LSM4: variants seen among roughly 807,000 people sequenced by gnomAD.
LSM4 encodes the protein U6 snRNA-associated Sm-like protein LSm4.
A neutral mutation model predicts 22.3 loss-of-function variants in LSM4; 15 were observed. The observed-to-expected ratio is 0.67, with a 90% CI of 0.45 to 1.03. The LOEUF (loss-of-function observed/expected upper bound fraction) is 1.03, where lower values mean the gene tolerates loss of function less well. Among genes scored for constraint, LSM4 ranks in the 50% least tolerant of loss-of-function variants. LSM4 has a pLI of 0.00. For synonymous variants in LSM4, 90 were observed against 79.8 expected (o/e 1.13, Z -0.68); for missense variants, 127 against 198.0 (o/e 0.64, Z 2.15).
At chr19:18,315,336 G>A (rs1375580860) in intron 2 of LSM4, among the ~76,000 whole-genome samples, 5 of 152,008 alleles carry the variant, frequency 3.3e-5, no homozygotes, top group Admixed American at 3.3e-4. Flanking sequence ...TTTATGGAGA[G>A]ACGTGGTTTC....
At chr19:18,313,494 G>C (rs1327117552) in intron 2 of LSM4, among the ~76,000 whole-genome samples, 1 of 152,194 alleles carries the variant, frequency 6.6e-6, no homozygotes, top group Non-Finnish European at 1.5e-5. Flanking sequence ...CTGAGGATAT[G>C]CTGCTGTTAG....
rs541037904 is a variant in LSM4 at position 18,309,095 on chromosome 19, G to A, written c.328+583C>T. The stretch of plus-strand genomic sequence containing the variant: ...CCTCGGGCTCACTCCTGACCACCTC[G>A]TGAGCCTGCACAGAATTGGCGCCTG... On this transcript the variant is annotated intron_variant, in intron 4 of 4. Transcript: ENST00000593829. Among the ~76,000 whole-genome samples the A allele has an allele frequency of 2.0e-5, 3 of 147,568 alleles. 1 individual carries two copies. The highest frequency in any genetic ancestry group is 7.4e-5 in the African/African-American group (3 of 40,422).
chr19:18,307,435 G>A lies in LSM4; in HGVS notation c.*29C>T, dbSNP rs1423061386. The A allele has an allele frequency of 1.3e-6, 2 of 1,486,058 alleles. No individual in the cohort carries two copies. The highest frequency in any genetic ancestry group is 1.4e-5 in the African/African-American group (1 of 70,614). 92.1% of individuals were successfully genotyped at this position (1,486,058 alleles called of 1,614,324 possible). On this transcript the variant is annotated 3_prime_UTR_variant, in exon 5 of 5. Transcript: ENST00000593829. ...AGCGGAATCGCCACCCTGGCAGGAG[G>A]GGGCGCAGCAGCCGGTCTGGGTGGG...
intron 4 of LSM4, chr19:18,309,471 G>A (rs529373737): frequency 3.3e-5 from 19 of 573,574 alleles, no homozygotes; most frequent in African/African-American, 2.5e-4. Flanking sequence ...CCTGAGGACC[G>A]CCAGGAGGCG....
intron 3 of LSM4, 45 bp downstream of exon 3, chr19:18,312,559 G>A: frequency 2.0e-6 from 3 of 1,521,358 alleles, no homozygotes; most frequent in Non-Finnish European, 2.7e-6. Flanking sequence ...GAGGCTGAGT[G>A]TGCACCCCCT....
intron 2 of LSM4, among the ~76,000 whole-genome samples, chr19:18,314,440 T>G (rs1970331519): frequency 6.7e-6 from 1 of 150,312 alleles, no homozygotes; most frequent in South Asian, 2.1e-4. Flanking sequence ...GGCAGGAAAA[T>G]GGCGTGAAAC....
chr19:18,308,679 C>A (rs1023851209), intron 4 of LSM4, among the ~76,000 whole-genome samples: 5 of 152,328 alleles, frequency 3.3e-5, no homozygotes, highest in African/African-American at 7.2e-5. Context: ...CAGACCTCAA[C>A]CCCGTGAAGG....
intron 2 of LSM4, 34 bp downstream of exon 2, chr19:18,315,990 T>C (rs1168416933): frequency 6.2e-7 from 1 of 1,608,362 alleles, no homozygotes; most frequent in South Asian, 1.1e-5. Flanking sequence ...TGGCCCCCTC[T>C]CAAACAGGCT....
At chr19:18,310,046 C>A (rs1970282038) in intron 3 of LSM4, 185 bp from the exon 4 acceptor site, 3 of 581,192 alleles carry the variant, frequency 5.2e-6, no homozygotes, top group Non-Finnish European at 5.9e-6. Context: ...GTCCTGACCC[C>A]AGGCAATCCT....
At chr19:18,307,644 A>C (rs1212933191) in intron 4 of LSM4, 89 bp from the exon 5 acceptor site, 2 of 940,752 alleles carry the variant, frequency 2.1e-6, no homozygotes, top group Non-Finnish European at 3.0e-6. Flanking sequence ...AGGCCAGGTC[A>C]CCTAAGTCTC....
intron 1 of LSM4, among the ~76,000 whole-genome samples, chr19:18,319,079 CT>C (rs1427288343): frequency 2.6e-5 from 4 of 151,874 alleles, no homozygotes; most frequent in Non-Finnish European, 2.9e-5. Context: ...CCCACCTCTA[CT>C]AAAATACAAA....
chr19:18,306,681 C>T lies in LSM4; in HGVS notation c.*783G>A, dbSNP rs1970226337. On this transcript the variant is annotated 3_prime_UTR_variant, in exon 5 of 5. Transcript: ENST00000593829. ...CCACAGAGGGGAGAGGGTTATAGGA[C>T]AACCTGGTGTGGGGGGCGCCGGGGA... 2 of 152,268 alleles carry T rather than the reference C, an allele frequency of 1.3e-5. No homozygotes were observed. The highest frequency in any genetic ancestry group is 6.5e-5 in the Admixed American group (1 of 15,284). The allele number at this position is 152,268 out of a possible 1,614,324, so 9.4% of individuals were successfully genotyped here.
At chr19:18,313,416 T>G (rs1432004352) in intron 2 of LSM4, among the ~76,000 whole-genome samples, 1 of 152,152 alleles carries the variant, frequency 6.6e-6, no homozygotes, top group African/African-American at 2.4e-5. Flanking sequence ...ACAAATGCTG[T>G]TTTTTACTGC....
rs565702932 is a variant in LSM4, at chr19:18,317,499, AT to A, written c.4-1435del. ...AGGCGCCCACCACCATGCCCGGCTA[AT>A]TTTTTTTTATTTTTATTTTTGTATT... On this transcript the variant is annotated intron_variant, in intron 1 of 4. Coordinates refer to ENST00000593829, the MANE Select transcript of LSM4 (RefSeq NM_012321.5). Among the ~76,000 whole-genome samples, 1,085 of 150,966 alleles carry A rather than the reference AT, an allele frequency of 7.2e-3. 15 individuals carry two copies. Among genetic ancestry groups the A allele is most frequent in the African/African-American group, 0.024 (985 of 41,108 alleles).
intron 2 of LSM4, among the ~76,000 whole-genome samples, chr19:18,315,282 T>A (rs1387439660): frequency 2.0e-5 from 3 of 152,082 alleles, no homozygotes; most frequent in African/African-American, 7.2e-5. Flanking sequence ...CCCAACTAAC[T>A]GGAACTACAG....
In LSM4 at chr19:18,312,719, C is replaced by A. The variant is rs761107082; in HGVS notation, c.46-17G>T. Reference sequence around the variant, plus strand: ...CTCCACCAACTAGAAGAGAGACAGGCTAGAGGTTGGCTGTAGCCCTGGAGC... The same window carrying A: ...CTCCACCAACTAGAAGAGAGACAGGATAGAGGTTGGCTGTAGCCCTGGAGC... On this transcript the variant is annotated splice_polypyrimidine_tract_variant and intron_variant, in intron 2 of 4. Coordinates refer to ENST00000593829, the MANE Select transcript of LSM4 (RefSeq NM_012321.5). 1 of 1,601,324 alleles carries A rather than the reference C, an allele frequency of 6.2e-7. No homozygotes were observed. The highest frequency in any genetic ancestry group is 8.6e-7 in the Non-Finnish European group (1 of 1,168,752).
At chr19:18,316,614 C>G (rs1208640219) in intron 1 of LSM4, among the ~76,000 whole-genome samples, 1 of 152,178 alleles carries the variant, frequency 6.6e-6, no homozygotes, top group Non-Finnish European at 1.5e-5. Context: ...TCCCAAAGTG[C>G]TGGGATTACA....
In LSM4 at chr19:18,307,128, G is replaced by C. The variant is rs548859605; in HGVS notation, c.*336C>G. The C allele has an allele frequency of 2.1e-4, 52 of 253,416 alleles. No homozygotes were observed. Among genetic ancestry groups the C allele is most frequent in the African/African-American group, 6.4e-4 (29 of 45,058 alleles). The allele number at this position is 253,416 out of a possible 1,614,324, so 15.7% of individuals were successfully genotyped here. On this transcript the variant is annotated 3_prime_UTR_variant, in exon 5 of 5. Transcript: ENST00000593829. ...TCCCGTCTGGTTGCTGCTCGGAGAG[G>C]CTCCAAGAAATGCAAAACAAACCCG...
At chr19:18,318,643 C>T (rs1346923344) in intron 1 of LSM4, among the ~76,000 whole-genome samples, 1 of 152,244 alleles carries the variant, frequency 6.6e-6, no homozygotes, top group East Asian at 1.9e-4. Flanking sequence ...GACCTTGGAC[C>T]TCCTCCTGGA....
Sources: allele counts gnomAD v4.1 joint callset (sites outside exome capture counted in the v4.1 genomes callset), GRCh38; gene constraint gnomAD v4.1.1; transcripts MANE v1.5; gene names NCBI Gene and HGNC (gene_info 2026-07-23, HGNC 2026-07-21).